VSIG10L: variants seen among roughly 807,000 people sequenced by gnomAD.
The protein encoded by VSIG10L is V-set and immunoglobulin domain-containing protein 10-like.
A neutral mutation model predicts 67.3 loss-of-function variants in VSIG10L; 63 were observed. The observed-to-expected ratio is 0.94, with a 90% CI of 0.76 to 1.15. VSIG10L has a LOEUF of 1.15. Among genes scored for constraint, VSIG10L ranks in the 50% most tolerant of loss-of-function variants. The pLI is 0.00. For missense variants in VSIG10L, 1,050 were observed against 1,177.5 expected (o/e 0.89, Z 1.58); for synonymous variants, 499 against 524.9 (o/e 0.95, Z 0.67).
chr19:51,332,700 T>C, intron 9 of VSIG10L, 60 bp from the exon 10 acceptor site: 1 of 1,457,964 alleles, frequency 6.9e-7, no homozygotes, highest in African/African-American at 1.4e-5. Flanking sequence ...GTGACATAAC[T>C]CACCCGCCTA....
Position 51,333,802 on chromosome 19 carries a change from T to G in VSIG10L, c.2563A>C (p.Arg855=). Residue 855 remains arginine, a synonymous_variant, in exon 9 of 10, where the codon AGG becomes CGG. Coordinates refer to ENST00000335624, the MANE Select transcript of VSIG10L (RefSeq NM_001163922.3). The stretch of plus-strand genomic sequence containing the variant: ...GCACCCACACTCACTTGGTAGGCCC[T>G]AGTTGAGCTGTGGTCCTCCAGAGGG... The part of the protein sequence containing the change: ...KVPLEDHSST[R]AYQAQTPVQL... 6.5e-7 allele frequency: 1 copy of G among 1,549,234 alleles called. No individual in the cohort carries two copies. Among genetic ancestry groups the G allele is most frequent in the Non-Finnish European group, 8.7e-7 (1 of 1,146,228 alleles).
In VSIG10L at chr19:51,340,476, G is replaced by A. The variant is rs1056376851; in HGVS notation, c.1146C>T (p.Ser382=). The part of the protein sequence containing the change: ...DHARYTCRVR[S]PFGHREAAAD... ...CGGCAGCCTCCCTGTGGCCGAAGGG[G>A]CTGCGGACGCGGCAAGTGTACCGGG... Residue 382 remains serine (S), a synonymous_variant, in exon 3 of 10, where the codon AGC becomes AGT. Transcript: ENST00000335624. The surrounding 1 kb of genome is among the most constrained non-coding windows in gnomAD (Gnocchi z 6.3). 1.5e-4 allele frequency: 233 copies of A among 1,513,598 alleles called. No individual in the cohort carries two copies. The highest frequency in any genetic ancestry group is 1.8e-4 in the Non-Finnish European group (204 of 1,131,556). The allele number at this position is 1,513,598 out of a possible 1,614,324, so 93.8% of individuals were successfully genotyped here. A position where few individuals can be genotyped will look rare whatever the true frequency, so the allele number is the denominator to read the frequency against.
rs1985594184 is a variant in VSIG10L, at chr19:51,340,194, G to T, written c.1295C>A (p.Ser432Ter). 1 of 1,450,070 alleles carries T rather than the reference G, an allele frequency of 6.9e-7. No homozygotes were observed. Among genetic ancestry groups the T allele is most frequent in the Non-Finnish European group, 9.0e-7 (1 of 1,106,414 alleles). 89.8% of individuals were successfully genotyped at this position (1,450,070 alleles called of 1,614,324 possible). A position where few individuals can be genotyped will look rare whatever the true frequency, so the allele number is the denominator to read the frequency against. Residue 432 changes from serine (S) to a stop codon, truncating the protein, a stop_gained, in exon 4 of 10, where the codon TCG becomes TAG. Transcript: ENST00000335624. LOFTEE classifies it high-confidence loss of function. The surrounding 1 kb of genome is among the most constrained non-coding windows in gnomAD (Gnocchi z 6.3). The part of the protein sequence containing the change: ...SNVTLRCAAA[S>*]RPPADITWSL... ...CCACGTGATGTCGGCGGGCGGCCGC[G>T]AGGCGGCGGCGCAGCGCAAGGTCAC...
chr19:51,341,629 G>T lies in VSIG10L; in HGVS notation c.419C>A (p.Thr140Asn). 9 of 1,551,746 alleles carry T rather than the reference G, an allele frequency of 5.8e-6. No homozygotes were observed. The highest frequency in any genetic ancestry group is 7.8e-6 in the Non-Finnish European group (9 of 1,146,998). ...TTGAGTAGAAATGTTTGAAGCTGGG[G>T]TCTTAACAGTGAAGGAAGGCTTGGG... The part of the protein sequence containing the change: ...KDPKPSFTVK[T>N]PASNISTQVS... Residue 140 changes from threonine to asparagine, a missense_variant, in exon 2 of 10, where the codon ACC (threonine) becomes AAC (asparagine). Physicochemically the swap from Thr to Asn is moderately conservative, Grantham distance 65. Around this residue, in one of 3 missense-constraint regions of VSIG10L, gnomAD observed 511 missense variants for 557.9 expected, o/e 0.92. Coordinates refer to ENST00000335624, the MANE Select transcript of VSIG10L (RefSeq NM_001163922.3).
At chr19:51,334,878 G>A (rs1286142835) in intron 7 of VSIG10L, among the ~76,000 whole-genome samples, 1 of 152,236 alleles carries the variant, frequency 6.6e-6, no homozygotes, top group Non-Finnish European at 1.5e-5. Context: ...CGTTGAGGCT[G>A]CAGTGAGCCC....
chr19:51,340,344 G>C lies in VSIG10L; in HGVS notation c.1190-45C>G. ...GGACCGCGAGTGTCAGGGTCACCTG[G>C]GACGCCGCTAGGACTCCCGGAGACT... On this transcript the variant is annotated intron_variant, in intron 3 of 9. Coordinates refer to ENST00000335624, the MANE Select transcript of VSIG10L (RefSeq NM_001163922.3). This position sits in a 1 kb window ranked among gnomAD's most constrained non-coding sequence, Gnocchi z 6.3. 6.8e-7 allele frequency: 1 copy of C among 1,475,300 alleles called. No individual in the cohort carries two copies. The highest frequency in any genetic ancestry group is 1.3e-5 in the South Asian group (1 of 76,836). 91.4% of individuals were successfully genotyped at this position (1,475,300 alleles called of 1,614,324 possible). A position where few individuals can be genotyped will look rare whatever the true frequency, so the allele number is the denominator to read the frequency against.
chr19:51,339,210 G>A (rs930457088), intron 4 of VSIG10L, 68 bp from the exon 5 acceptor site: 2 of 1,259,994 alleles, frequency 1.6e-6, no homozygotes, highest in South Asian at 3.3e-5. Context: ...CCGCCTCCCC[G>A]CGCGGTGACT....
intron 9 of VSIG10L, among the ~76,000 whole-genome samples, chr19:51,333,084 A>C (rs755163549): frequency 2.0e-5 from 3 of 152,164 alleles, no homozygotes; most frequent in Non-Finnish European, 4.4e-5. Context: ...TCCTGAGCTC[A>C]AGTGATTCTC....
At chr19:51,337,640 G>T in intron 6 of VSIG10L, 106 bp from the exon 7 acceptor site, 1 of 597,828 alleles carries the variant, frequency 1.7e-6, no homozygotes, top group South Asian at 2.2e-5. Flanking sequence ...TGGGGGCCTG[G>T]ACTCTTGGGT....
At position 51,338,930 on chromosome 19, in the gene VSIG10L, C is replaced by A; in HGVS notation, c.1687G>T (p.Ala563Ser). 6.9e-7 allele frequency: 1 copy of A among 1,448,416 alleles called. No individual in the cohort carries two copies. The allele number at this position is 1,448,416 out of a possible 1,614,324, so 89.7% of individuals were successfully genotyped here. Residue 563 changes from alanine to serine, a missense_variant, in exon 5 of 10, where the codon GCT becomes TCT. By Grantham distance (99) the Ala-to-Ser change is moderately conservative (BLOSUM62 1). Around this residue, in one of 3 missense-constraint regions of VSIG10L, gnomAD observed 529 missense variants for 584.9 expected, o/e 0.90. Transcript: ENST00000335624. ...RLSGVPITCL[A>S]RHLVATRTCT... is the part of the protein sequence containing the mutation. ...GTACGCGTGGCCACCAGGTGGCGAGCAAGGCAGGTGATGGGGACGCCGCTG... is the reference window on the plus strand; with the variant it reads ...GTACGCGTGGCCACCAGGTGGCGAGAAAGGCAGGTGATGGGGACGCCGCTG...
In VSIG10L at chr19:51,340,097, G is replaced by T. The variant is rs1985589118; in HGVS notation, c.1392C>A (p.Gly464=). The T allele has an allele frequency of 1.5e-6, 2 of 1,343,932 alleles. No individual in the cohort carries two copies. The highest frequency in any genetic ancestry group is 1.5e-5 in the African/African-American group (1 of 65,450). The allele number at this position is 1,343,932 out of a possible 1,614,324, so 83.3% of individuals were successfully genotyped here. The change falls in exon 4 of 10, where the codon GGC becomes GGA. Residue 464 remains glycine, a synonymous_variant. Coordinates refer to ENST00000335624, the MANE Select transcript of VSIG10L (RefSeq NM_001163922.3). This position sits in a 1 kb window ranked among gnomAD's most constrained non-coding sequence, Gnocchi z 6.3. ...SRLLLPAVGP[G]HAGTYACLAA... ...CCAGGCAGGCGTAGGTGCCTGCGTG[G>T]CCCGGTCCGACCGCGGGCAGCAGGA...
chr19:51,334,155 G>T, intron 8 of VSIG10L, 36 bp downstream of exon 8: 1 of 1,545,438 alleles, frequency 6.5e-7, no homozygotes, highest in South Asian at 1.2e-5. Flanking sequence ...CCTCCCCGTT[G>T]GTCATGGTTG....
At chr19:51,335,675 G>A (rs367891325) in intron 7 of VSIG10L, among the ~76,000 whole-genome samples, 2 of 152,056 alleles carry the variant, frequency 1.3e-5, no homozygotes, top group Non-Finnish European at 2.9e-5. Flanking sequence ...TTGGGAGGCC[G>A]AGGCAGGCAG....
chr19:51,340,218 A>C lies in VSIG10L; in HGVS notation c.1271T>G (p.Val424Gly), dbSNP rs1202651687. The C allele has an allele frequency of 1.3e-6, 2 of 1,501,952 alleles. No individual in the cohort carries two copies. The highest frequency in any genetic ancestry group is 2.9e-5 in the African/African-American group (2 of 69,204). 93.0% of individuals were successfully genotyped at this position (1,501,952 alleles called of 1,614,324 possible). A position where few individuals can be genotyped will look rare whatever the true frequency, so the allele number is the denominator to read the frequency against. The change falls in exon 4 of 10, where the codon GTG becomes GGG. Residue 424 changes from valine (V) to glycine (G), a missense_variant. Physicochemically the swap from Val to Gly is moderately radical, Grantham distance 109. Transcript: ENST00000335624. The surrounding 1 kb of genome is among the most constrained non-coding windows in gnomAD (Gnocchi z 6.3). ...PARFVTAGSNVTLRCAAASRP... is the reference protein window; with the variant it reads ...PARFVTAGSNGTLRCAAASRP... ...CGAGGCGGCGGCGCAGCGCAAGGTC[A>C]CGTTACTGCCCGCGGTGACAAAGCG...
chr19:51,334,304 C>T lies in VSIG10L; in HGVS notation c.2306G>A (p.Gly769Asp), dbSNP rs1300707733. 5.2e-6 allele frequency: 8 copies of T among 1,550,892 alleles called. No homozygotes were observed. The highest frequency in any genetic ancestry group is 6.1e-6 in the Non-Finnish European group (7 of 1,146,616). ...GATGGCCCCATGGCTCAACGTGGGG[C>T]CTGGAAGAGACAAAGAGAAGAAAGA... Reference protein sequence around the residue: ...TPSQSRVYRAGPTLSHGAIAG... With the variant: ...TPSQSRVYRADPTLSHGAIAG... Residue 769 changes from glycine (G) to aspartate (D), a missense_variant and splice_region_variant, in exon 8 of 10, where the codon GGC (glycine) becomes GAC (aspartate). This residue lies in a region of VSIG10L where 529 missense variants were observed against 584.9 expected (regional missense o/e 0.90). Transcript: ENST00000335624.
rs1985417217 is a variant in VSIG10L, at chr19:51,333,921, TGC to T, written c.2442_2443del (p.His815SerfsTer17). ...GACCACGGGGACCAAGGTAGAAGGA[TGC>T]TTCTTTTTCTCAGGAGTCTTTCCTG... On this transcript the variant is annotated frameshift_variant, in exon 9 of 10. Transcript: ENST00000335624. LOFTEE classifies it high-confidence loss of function. 6.4e-7 allele frequency: 1 copy of T among 1,551,420 alleles called. No individual in the cohort carries two copies. The highest frequency in any genetic ancestry group is 1.4e-5 in the African/African-American group (1 of 73,034).
In VSIG10L at chr19:51,339,146, C is replaced by G; in HGVS notation, c.1475-4G>C. ...TGTGGGGCCCCGGGGGGCAGGTCTGCGGAGAGAAGGGAGAGAATGAAGATG... is the reference window on the plus strand; with the variant it reads ...TGTGGGGCCCCGGGGGGCAGGTCTGGGGAGAGAAGGGAGAGAATGAAGATG... On this transcript the variant is annotated splice_region_variant and splice_polypyrimidine_tract_variant and intron_variant, in intron 4 of 9. Coordinates refer to ENST00000335624, the MANE Select transcript of VSIG10L (RefSeq NM_001163922.3). The G allele has an allele frequency of 7.8e-7, 1 of 1,290,190 alleles. No homozygotes were observed. The highest frequency in any genetic ancestry group is 1.5e-5 in the African/African-American group (1 of 64,716). 79.9% of individuals were successfully genotyped at this position (1,290,190 alleles called of 1,614,324 possible).
intron 9 of VSIG10L, 114 bp downstream of exon 9, chr19:51,333,677 T>C (rs1435625411): frequency 1.6e-6 from 2 of 1,277,328 alleles, no homozygotes; most frequent in Non-Finnish European, 2.1e-6. Flanking sequence ...TTATACAGAC[T>C]GTAAACTAAC....
chr19:51,332,765 T>A, intron 9 of VSIG10L, 125 bp from the exon 10 acceptor site: 1 of 914,986 alleles, frequency 1.1e-6, no homozygotes, highest in East Asian at 3.0e-5. Context: ...ACCCTCCATT[T>A]GGAGAGGGGA....
Sources: allele counts gnomAD v4.1 joint callset (sites outside exome capture counted in the v4.1 genomes callset), GRCh38; gene constraint gnomAD v4.1.1; regional missense constraint gnomAD v4.1.1; non-coding constraint Gnocchi (gnomAD v3.1); transcripts MANE v1.5; gene names NCBI Gene and HGNC (gene_info 2026-07-23, HGNC 2026-07-21).